The following MYO18B variants were observed in gnomAD, a reference collection of about 807,000 sequenced individuals.
MYO18B encodes myosin XVIIIB.
In MYO18B, 204 loss-of-function variants were observed where a neutral mutation model predicts 273.0. The observed-to-expected ratio is 0.75, with a 90% CI of 0.67 to 0.84. The LOEUF (loss-of-function observed/expected upper bound fraction) is 0.84, where lower values mean the gene tolerates loss of function less well. MYO18B is among the 40% of genes least tolerant of loss of function. The pLI is 0.00. For missense variants in MYO18B, 3,212 were observed against 3,287.6 expected (o/e 0.98, Z 0.56); for synonymous variants, 1,330 against 1,305.7 (o/e 1.02, Z -0.40).
chr22:25,840,799 C>T (rs564371384), intron 17 of MYO18B, among the ~76,000 whole-genome samples: 2 of 152,150 alleles, frequency 1.3e-5, no homozygotes, highest in East Asian at 3.9e-4. Flanking sequence ...GATTTGTGGC[C>T]CCTCCCCTTT....
chr22:25,931,935 C>A (rs1220232153), intron 34 of MYO18B, among the ~76,000 whole-genome samples: 3 of 151,576 alleles, frequency 2.0e-5, no homozygotes, highest in Non-Finnish European at 2.9e-5. Context: ...TGAGGTTTCA[C>A]CATGTTGCCC....
intron 37 of MYO18B, among the ~76,000 whole-genome samples, chr22:25,950,881 G>A (rs115627996): frequency 9.5e-4 from 145 of 152,208 alleles, no homozygotes; most frequent in Middle Eastern, 3.4e-3. Context: ...TGGGAAATAC[G>A]TTAAGTATTA....
At chr22:25,769,923 T>C in intron 4 of MYO18B, 187 bp from the exon 5 acceptor site, 1 of 628,596 alleles carries the variant, frequency 1.6e-6, no homozygotes, top group Non-Finnish European at 2.9e-6. Context: ...AGTGGTGTGA[T>C]CTCGGCTCCA....
intron 42 of MYO18B, among the ~76,000 whole-genome samples, chr22:26,011,991 T>C (rs12166654): frequency 0.052 from 7,894 of 152,320 alleles, 288 homozygotes; most frequent in African/African-American, 0.11. Context: ...AGCCCCAAAC[T>C]CTTGGCTTGC....
At chr22:25,848,731 T>C (rs2090333215) in intron 20 of MYO18B, among the ~76,000 whole-genome samples, 1 of 152,224 alleles carries the variant, frequency 6.6e-6, no homozygotes, top group Non-Finnish European at 1.5e-5. Context: ...TTTCTGCCTC[T>C]CAGTCTCCAA....
intron 6 of MYO18B, among the ~76,000 whole-genome samples, 177 bp from the exon 7 acceptor site, chr22:25,772,157 A>G (rs376935626): frequency 1.4e-4 from 21 of 145,008 alleles, no homozygotes; most frequent in Middle Eastern, 7.8e-3. Flanking sequence ...GGATGGCCCT[A>G]TTTTATTTGT....
At chr22:26,047,990 C>T in the MYO18B span, among the ~76,000 whole-genome samples, 2 of 152,148 alleles carry the variant, frequency 1.3e-5, no homozygotes, top group African/African-American at 4.8e-5. Flanking sequence ...GTGGAATGCT[C>T]TTCCCATTGG....
rs2086388061 is a variant in MYO18B at position 25,763,227 on chromosome 22, A to G, written c.40-4A>G. On this transcript the variant is annotated splice_polypyrimidine_tract_variant and splice_region_variant and intron_variant, in intron 2 of 43. Coordinates refer to ENST00000335473, the MANE Select transcript of MYO18B (RefSeq NM_032608.7). ...CTCTCTCTTTCCTTGCTTCTGCAAA[A>G]CAGATTCGGGAAGAGGACAAGAGCC... 5.6e-6 allele frequency: 9 copies of G among 1,607,800 alleles called. No individual in the cohort carries two copies. Among genetic ancestry groups the G allele is most frequent in the Non-Finnish European group, 7.7e-6 (9 of 1,175,724 alleles).
intron 39 of MYO18B, among the ~76,000 whole-genome samples, chr22:25,969,855 T>G (rs2093017666): frequency 6.6e-6 from 1 of 152,240 alleles, no homozygotes; most frequent in African/African-American, 2.4e-5. Flanking sequence ...TGGGGATTAC[T>G]TAATAAAATA....
intron 39 of MYO18B, among the ~76,000 whole-genome samples, chr22:25,975,255 A>G (rs555077545): frequency 3.6e-4 from 55 of 152,356 alleles, no homozygotes; most frequent in African/African-American, 1.3e-3. Context: ...ATGAGTCAAT[A>G]AATGAATAAA....
intron 39 of MYO18B, among the ~76,000 whole-genome samples, chr22:25,963,658 A>G (rs1340821716): frequency 6.6e-6 from 1 of 151,050 alleles, no homozygotes; most frequent in African/African-American, 2.4e-5. Context: ...TTAACCCACT[A>G]TACGGTGGTT....
rs1194401772 is a variant in MYO18B, at chr22:26,026,955, A to T, written c.6981A>T (p.Lys2327Asn). ...AGGLLRSTSL[K>N]CISSDGVGGT... is the part of the protein sequence containing the mutation. Reference sequence around the variant, plus strand: ...GTCTCTTGAGGTCCACCAGCCTCAAATGCATCTCTTCAGACGGTGTTGGGG... The same window carrying T: ...GTCTCTTGAGGTCCACCAGCCTCAATTGCATCTCTTCAGACGGTGTTGGGG... The change falls in exon 43 of 44, where the codon AAA becomes AAT. Residue 2327 changes from lysine (K) to asparagine (N), a missense_variant. Transcript: ENST00000335473. 3 of 1,613,864 alleles carry T rather than the reference A, an allele frequency of 1.9e-6. No homozygotes were observed. The highest frequency in any genetic ancestry group is 2.5e-6 in the Non-Finnish European group (3 of 1,179,868).
intron 34 of MYO18B, among the ~76,000 whole-genome samples, chr22:25,931,260 A>T (rs1244474863): frequency 6.6e-6 from 1 of 152,170 alleles, no homozygotes; most frequent in East Asian, 1.9e-4. Flanking sequence ...TCACCCCACA[A>T]ATGTTGACAC....
chr22:25,905,002 C>T lies in MYO18B; in HGVS notation c.5148+1171C>T, dbSNP rs139641086. ...ACTTCTTCTGATGCTTGGCTCTAAA[C>T]GAATTTCTCTTGTGGGATTTTGTAA... On this transcript the variant is annotated intron_variant, in intron 31 of 43. Coordinates refer to ENST00000335473, the MANE Select transcript of MYO18B (RefSeq NM_032608.7). Among the ~76,000 whole-genome samples, 9 of 151,004 alleles carry T rather than the reference C, an allele frequency of 6.0e-5. No individual in the cohort carries two copies. The East Asian group carries it at 1.6e-3, about 26-fold the overall frequency.
chr22:26,002,392 A>G (rs944098288), intron 40 of MYO18B, among the ~76,000 whole-genome samples: 2 of 152,228 alleles, frequency 1.3e-5, no homozygotes, highest in Non-Finnish European at 2.9e-5. Flanking sequence ...TTCTTGGTCC[A>G]GAAGGGATGT....
intron 39 of MYO18B, among the ~76,000 whole-genome samples, chr22:25,970,697 A>G (rs1054222373): frequency 6.6e-6 from 1 of 152,270 alleles, no homozygotes; most frequent in African/African-American, 2.4e-5. Flanking sequence ...TGCAGCTGAC[A>G]TCCACCCAGC....
In MYO18B at chr22:25,847,556, C is replaced by A. The variant is rs754832490; in HGVS notation, c.3679C>A (p.Pro1227Thr). ...ACCACCGCAGCCTGGTAGAGACAAG[C>A]CTGGGGCAGGTGGACCTCTGGCCCT... is the stretch of plus-strand genomic sequence containing the variant. ...PPPPQPGRDK[P>T]GAGGPLALDI... Residue 1227 changes from proline to threonine, a missense_variant, in exon 20 of 44, where the codon CCT becomes ACT. By Grantham distance (38) the Pro-to-Thr change is conservative. Transcript: ENST00000335473. The A allele has an allele frequency of 5.7e-6, 9 of 1,570,038 alleles. No homozygotes were observed. In the African/African-American group the frequency reaches 8.1e-5, roughly 14 times the overall value.
chr22:25,806,883 G>C (rs936521061), intron 12 of MYO18B, among the ~76,000 whole-genome samples: 4 of 152,204 alleles, frequency 2.6e-5, no homozygotes, highest in Non-Finnish European at 5.9e-5. Flanking sequence ...CCCTGTGTCA[G>C]TGACTTTTCA....
At position 25,979,695 on chromosome 22, in the gene MYO18B, G is replaced by A. The variant is rs141337831; in HGVS notation, c.6157-12668G>A. 6.2e-3 allele frequency among the ~76,000 whole-genome samples: 939 copies of A among 152,272 alleles called. 9 individuals carry two copies. The highest frequency in any genetic ancestry group is 0.021 in the African/African-American group (862 of 41,542). ...AGCTCTGAATAGCAAGAGCTTTAAG[G>A]AACTTTAGAGAGATTTCTTTTTAAA... On this transcript the variant is annotated intron_variant, in intron 39 of 43. Coordinates refer to ENST00000335473, the MANE Select transcript of MYO18B (RefSeq NM_032608.7).
Sources: allele counts gnomAD v4.1 joint callset (sites outside exome capture counted in the v4.1 genomes callset), GRCh38; gene constraint gnomAD v4.1.1; transcripts MANE v1.5; gene names NCBI Gene and HGNC (gene_info 2026-07-23, HGNC 2026-07-21).